DMD: variants seen among roughly 807,000 people sequenced by gnomAD.
DMD encodes the protein mutant dystrophin.
Under a neutral mutation model 330.1 loss-of-function variants are expected in DMD, and 63 were observed. The observed-to-expected ratio is 0.19, with a 90% CI of 0.16 to 0.24. The LOEUF (loss-of-function observed/expected upper bound fraction) is 0.24. DMD is among the 10% of genes least tolerant of loss of function. DMD has a pLI of 1.00. For synonymous variants in DMD, 1,223 were observed against 959.8 expected, an observed-to-expected ratio of 1.27 and a Z score of -5.07; for missense variants, 3,344 against 2,684.1, an observed-to-expected ratio of 1.25 and a Z score of -5.43.
intron 43 of DMD, among the ~76,000 whole-genome samples, chrX:32,273,838 C>T (rs1309793998): frequency 1.8e-5 from 2 of 111,980 alleles, no homozygotes; most frequent in African/African-American, 6.5e-5. Context: ...TGGCTGCAAA[C>T]TTCCAGGGTT....
chrX:33,026,026 T>C (rs1016384170), intron 1 of DMD, among the ~76,000 whole-genome samples: 3 of 110,397 alleles, frequency 2.7e-5, no homozygotes, highest in Non-Finnish European at 5.7e-5. Flanking sequence ...ATGGGATGAG[T>C]TAATTTCACT....
chrX:32,511,029 C>A (rs2045246616), intron 18 of DMD, among the ~76,000 whole-genome samples: 1 of 108,690 alleles, frequency 9.2e-6, no homozygotes, highest in Admixed American at 9.8e-5. Context: ...GTATATATAC[C>A]CCTTTCCCAT....
chrX:31,923,150 C>G (rs1222236102), intron 47 of DMD, among the ~76,000 whole-genome samples: 2 of 111,655 alleles, frequency 1.8e-5, no homozygotes, highest in African/African-American at 6.5e-5. Context: ...ACAGTCAGAG[C>G]AAATTGAGAT....
At chrX:33,176,876 G>T (rs2049694673) in intron 1 of DMD, among the ~76,000 whole-genome samples, 1 of 111,721 alleles carries the variant, frequency 9.0e-6, no homozygotes, top group East Asian at 2.8e-4. Context: ...GGCGGAGGTT[G>T]CAGTGAGCCG....
At chrX:31,804,095 A>G (rs1010970162) in intron 50 of DMD, among the ~76,000 whole-genome samples, 2 of 111,103 alleles carry the variant, frequency 1.8e-5, no homozygotes, top group Non-Finnish European at 3.8e-5. Context: ...ACGCTGGTTA[A>G]CTCTGGCATC....
chrX:31,468,112 A>G (rs1040859988), intron 59 of DMD, among the ~76,000 whole-genome samples: 2 of 111,622 alleles, frequency 1.8e-5, no homozygotes, highest in African/African-American at 6.5e-5. Flanking sequence ...TTTTCAAAAA[A>G]CCAGCCCCTG....
chrX:32,559,925 G>A (rs1413772836), intron 16 of DMD, among the ~76,000 whole-genome samples: 2 of 110,966 alleles, frequency 1.8e-5, no homozygotes, highest in African/African-American at 6.5e-5. Flanking sequence ...ATCCTTGAAT[G>A]TAGGCACAAA....
intron 7 of DMD, among the ~76,000 whole-genome samples, chrX:32,751,046 CTT>C (rs758343538): frequency 1.8e-5 from 2 of 111,795 alleles, no homozygotes; most frequent in African/African-American, 3.3e-5. Flanking sequence ...CCATTAAACT[CTT>C]TTTCCTGTAT....
intron 2 of DMD, among the ~76,000 whole-genome samples, chrX:32,881,397 G>C (rs748457557): frequency 1.8e-5 from 2 of 112,408 alleles, no homozygotes; most frequent in East Asian, 5.6e-4. Flanking sequence ...TGTTAGGACA[G>C]TATTATCTGT....
In DMD at chrX:32,296,113, C is replaced by T. The variant is rs758462068; in HGVS notation, c.6118-8412G>A. 6.3e-5 allele frequency among the ~76,000 whole-genome samples: 7 copies of T among 111,957 alleles called. No individual in the cohort carries two copies. The South Asian group carries it at 1.1e-3, about 18-fold the overall frequency. ...AAGTTCTATTATTTAAAATAGCAGC[C>T]GGGCGCGGTGGCTCACGCCTGTAAT... On this transcript the variant is annotated intron_variant, in intron 42 of 78. Transcript: ENST00000357033.
chrX:32,870,395 T>C (rs2082856149), intron 2 of DMD, among the ~76,000 whole-genome samples: 1 of 111,720 alleles, frequency 9.0e-6, no homozygotes, highest in Admixed American at 9.5e-5. Flanking sequence ...TTATCTACCA[T>C]TGACATTATT....
Position 31,847,865 on chromosome X carries a change from A to G in DMD, c.7099-11046T>C, listed in dbSNP as rs186347462. Among the ~76,000 whole-genome samples, 579 of 112,119 alleles carry G rather than the reference A, an allele frequency of 5.2e-3. 4 individuals are homozygous for G. Among genetic ancestry groups the G allele is most frequent in the African/African-American group, 0.018 (551 of 30,950 alleles). ...ATATGTCAAACACTGTGCTTTTCAT[A>G]CACACATACACTCCTACAAAGAAAG... is the stretch of plus-strand genomic sequence containing the variant. On this transcript the variant is annotated intron_variant, in intron 48 of 78. Coordinates refer to ENST00000357033, the MANE Select transcript of DMD (RefSeq NM_004006.3).
At chrX:32,911,110 A>C (rs2087201236) in intron 2 of DMD, among the ~76,000 whole-genome samples, 1 of 112,578 alleles carries the variant, frequency 8.9e-6, no homozygotes, top group Non-Finnish European at 1.9e-5. Context: ...TTCTCAAGGC[A>C]TGATATAGCC....
chrX:32,835,203 C>A (rs757065982), intron 4 of DMD, among the ~76,000 whole-genome samples: 2 of 111,275 alleles, frequency 1.8e-5, no homozygotes, highest in African/African-American at 3.3e-5. Context: ...TTTAAAATGC[C>A]TAATGAAAGG....
intron 7 of DMD, among the ~76,000 whole-genome samples, chrX:32,736,256 T>A (rs1403040430): frequency 2.7e-5 from 3 of 111,125 alleles, no homozygotes; most frequent in African/African-American, 9.8e-5. Context: ...CATTAAAAAG[T>A]CAGGAAACAA....
chrX:33,187,819 T>C (rs895513395), intron 1 of DMD, among the ~76,000 whole-genome samples: 3 of 111,872 alleles, frequency 2.7e-5, no homozygotes, highest in Admixed American at 9.6e-5. Flanking sequence ...ACATATGTAT[T>C]GGTAGATTTT....
At position 32,180,915 on chromosome X, in the gene DMD, G is replaced by A. The variant is rs937476379; in HGVS notation, c.6438+36001C>T. 2.7e-5 allele frequency among the ~76,000 whole-genome samples: 3 copies of A among 111,252 alleles called. No homozygotes were observed. The East Asian group carries it at 8.6e-4, about 32-fold the overall frequency. On this transcript the variant is annotated intron_variant, in intron 44 of 78. Coordinates refer to ENST00000357033, the MANE Select transcript of DMD (RefSeq NM_004006.3). ...CTCTCCCTTGACATGTGGGGATTGT[G>A]GGGATTACAATTCAAAATGAGATTT... is the stretch of plus-strand genomic sequence containing the variant.
rs774944868 is a variant in DMD, at chrX:31,943,999, T to A, written c.6615-11772A>T. 7.3e-4 allele frequency among the ~76,000 whole-genome samples: 81 copies of A among 110,841 alleles called. 1 individual carries two copies. Among genetic ancestry groups the A allele is most frequent in the Admixed American group, 8.7e-4 (9 of 10,379 alleles). On this transcript the variant is annotated intron_variant, in intron 45 of 78. Coordinates refer to ENST00000357033, the MANE Select transcript of DMD (RefSeq NM_004006.3). The stretch of plus-strand genomic sequence containing the variant: ...AAAGGGTATTTCCGTTTCACTTATT[T>A]AAACTCTGCACATAATTGCAGCTAA...
rs192259478 is a variant in DMD at position 31,606,134 on chromosome X, C to T, written c.8217+21539G>A. 2.9e-3 allele frequency among the ~76,000 whole-genome samples: 322 copies of T among 111,271 alleles called. 2 individuals carry two copies. Among genetic ancestry groups the T allele is most frequent in the African/African-American group, 9.7e-3 (298 of 30,636 alleles). On this transcript the variant is annotated intron_variant, in intron 55 of 78. Transcript: ENST00000357033. ...AAGGGGCTCTTCCTACTTCGCTGGG[C>T]GCTTCTCCTTCCTGCGGCCTTGTGA...
Sources: allele counts gnomAD v4.1 joint callset (sites outside exome capture counted in the v4.1 genomes callset), GRCh38; gene constraint gnomAD v4.1.1; transcripts MANE v1.5; gene names NCBI Gene and HGNC (gene_info 2026-07-23, HGNC 2026-07-21).